The following CLSTN2 variants were observed in gnomAD, a reference collection of about 807,000 sequenced individuals.
The protein encoded by CLSTN2 is calsyntenin 2.
Under a neutral mutation model 101.2 loss-of-function variants are expected in CLSTN2, and 48 were observed. The ratio of observed to expected loss-of-function variants is 0.47; its 90% CI spans 0.38 to 0.60. The LOEUF (loss-of-function observed/expected upper bound fraction) is 0.60. Among genes scored for constraint, CLSTN2 ranks in the 20% least tolerant of loss-of-function variants. The probability of loss-of-function intolerance (pLI) is 0.00; values close to 1 mark genes in which losing one functional copy is unlikely to be tolerated. For synonymous variants in CLSTN2, 481 were observed against 463.6 expected (o/e 1.04, Z -0.48); for missense variants, 1,160 against 1,238.2 (o/e 0.94, Z 0.95).
At chr3:140,340,177 T>C (rs896016586) in intron 2 of CLSTN2, among the ~76,000 whole-genome samples, 1 of 152,274 alleles carries the variant, frequency 6.6e-6, no homozygotes, top group African/African-American at 2.4e-5. Context: ...AGTCCTTTCC[T>C]AGCAGATGTC....
chr3:140,009,736 T>G (rs992506709), intron 1 of CLSTN2, among the ~76,000 whole-genome samples: 1 of 152,258 alleles, frequency 6.6e-6, no homozygotes, highest in African/African-American at 2.4e-5. Flanking sequence ...CTTGTAAATA[T>G]TTCTTTGCAT....
At chr3:140,027,693 C>G (rs2007450141) in intron 1 of CLSTN2, among the ~76,000 whole-genome samples, 1 of 152,138 alleles carries the variant, frequency 6.6e-6, no homozygotes, top group Non-Finnish European at 1.5e-5. Context: ...AGCTTTGTGA[C>G]CATTTAAGCC....
chr3:140,087,588 T>A (rs1445039384), intron 1 of CLSTN2, among the ~76,000 whole-genome samples: 1 of 152,174 alleles, frequency 6.6e-6, no homozygotes, highest in Non-Finnish European at 1.5e-5. Flanking sequence ...GTGCTGTGGA[T>A]AATGGAGTAA....
intron 1 of CLSTN2, among the ~76,000 whole-genome samples, chr3:139,978,420 CTTA>C (rs1360462751): frequency 6.6e-6 from 1 of 152,056 alleles, no homozygotes; most frequent in Admixed American, 6.5e-5. Context: ...TTTGCTTAGT[CTTA>C]TTATTGTTGC....
chr3:140,042,849 G>T (rs547333484), intron 1 of CLSTN2, among the ~76,000 whole-genome samples: 1 of 152,270 alleles, frequency 6.6e-6, no homozygotes, highest in African/African-American at 2.4e-5. Flanking sequence ...TAAAAGACAT[G>T]AACTCATCCT....
At chr3:140,551,233 C>T (rs1387523767) in intron 10 of CLSTN2, among the ~76,000 whole-genome samples, 1 of 151,870 alleles carries the variant, frequency 6.6e-6, no homozygotes, top group African/African-American at 2.4e-5. Flanking sequence ...CAGTTACTGC[C>T]CTCCTCCCAC....
chr3:140,183,662 A>T (rs1445446219), intron 2 of CLSTN2, among the ~76,000 whole-genome samples: 1 of 152,184 alleles, frequency 6.6e-6, no homozygotes, highest in Non-Finnish European at 1.5e-5. Flanking sequence ...GCAAGTAGAG[A>T]AAAAGGTGGA....
chr3:140,562,205 AGGG>A lies in CLSTN2; in HGVS notation c.2111_2113del (p.Gly704del). On this transcript the variant is annotated inframe_deletion, in exon 13 of 17. Coordinates refer to ENST00000458420, the MANE Select transcript of CLSTN2 (RefSeq NM_022131.3). ...ATTTCTGTGACATTTTGGTGATCGG[AGGG>A]GACTTGGACCCAAGGCAGGAGTGCT... is the stretch of plus-strand genomic sequence containing the variant. 6.2e-7 allele frequency: 1 copy of A among 1,614,094 alleles called. No individual in the cohort carries two copies.
intron 8 of CLSTN2, among the ~76,000 whole-genome samples, chr3:140,486,525 T>C (rs539775175): frequency 3.7e-4 from 57 of 152,326 alleles, no homozygotes; most frequent in Non-Finnish European, 3.7e-4. Flanking sequence ...CTAAGAATAC[T>C]GTGATAAGAC....
intron 8 of CLSTN2, among the ~76,000 whole-genome samples, chr3:140,511,309 A>C (rs1934808515): frequency 6.6e-6 from 1 of 152,160 alleles, no homozygotes. Context: ...TGCTATTGTG[A>C]ATAGTGCTAC....
Position 140,313,053 on chromosome 3 carries a change from T to C in CLSTN2, c.233-90576T>C, listed in dbSNP as rs147493196. 2.1e-3 allele frequency among the ~76,000 whole-genome samples: 315 copies of C among 152,332 alleles called. 1 individual carries two copies. Among genetic ancestry groups the C allele is most frequent in the Non-Finnish European group, 3.6e-3 (244 of 68,026 alleles). ...CAAAAGTTTAGGCAATTATATTCAC[T>C]GAATCAAGTAATGTGCCATTCATGG... On this transcript the variant is annotated intron_variant, in intron 2 of 16. Coordinates refer to ENST00000458420, the MANE Select transcript of CLSTN2 (RefSeq NM_022131.3).
rs193077641 is a variant in CLSTN2, at chr3:140,212,933, G to A, written c.232+36860G>A. Among the ~76,000 whole-genome samples the A allele has an allele frequency of 4.1e-3, 630 of 152,282 alleles. 3 individuals carry two copies. Among genetic ancestry groups the A allele is most frequent in the Non-Finnish European group, 6.0e-3 (407 of 68,028 alleles). On this transcript the variant is annotated intron_variant, in intron 2 of 16. Coordinates refer to ENST00000458420, the MANE Select transcript of CLSTN2 (RefSeq NM_022131.3). ...GCTCTCTAGCATAGGCTCCTTGAGG[G>A]AAGGTGCAGTCTGTCTTCCCACCAC...
At chr3:140,525,433 A>G (rs1935116904) in intron 8 of CLSTN2, among the ~76,000 whole-genome samples, 1 of 152,162 alleles carries the variant, frequency 6.6e-6, no homozygotes, top group Non-Finnish European at 1.5e-5. Flanking sequence ...ATGAATTCTG[A>G]GATTTTAAAA....
chr3:140,487,034 G>A (rs1342794490), intron 8 of CLSTN2, among the ~76,000 whole-genome samples: 1 of 152,192 alleles, frequency 6.6e-6, no homozygotes, highest in African/African-American at 2.4e-5. Context: ...GTATGGACCT[G>A]TGCTAAGGCC....
At chr3:140,111,646 G>A (rs1285226627) in intron 1 of CLSTN2, among the ~76,000 whole-genome samples, 1 of 152,138 alleles carries the variant, frequency 6.6e-6, no homozygotes, top group Admixed American at 6.5e-5. Context: ...GTCTATGAGA[G>A]CTTGCTTTAT....
intron 1 of CLSTN2, among the ~76,000 whole-genome samples, chr3:139,937,254 T>C (rs1935039173): frequency 6.6e-6 from 1 of 151,732 alleles, no homozygotes; most frequent in Non-Finnish European, 1.5e-5. Flanking sequence ...CTGGTGTGAG[T>C]AGTAATAATG....
At chr3:140,083,159 C>T (rs182545064) in intron 1 of CLSTN2, among the ~76,000 whole-genome samples, 24 of 152,080 alleles carry the variant, frequency 1.6e-4, no homozygotes, top group Non-Finnish European at 2.6e-4. Context: ...GCATTTATTA[C>T]GTTTTTTGCT....
At chr3:140,551,645 G>A (rs116078860) in intron 10 of CLSTN2, among the ~76,000 whole-genome samples, 2,411 of 152,166 alleles carry the variant, frequency 0.016, 26 homozygotes, top group African/African-American at 0.034. Context: ...ACCATGTTTA[G>A]GTGTTTAAGT....
chr3:140,062,328 T>A (rs2008221019), intron 1 of CLSTN2, among the ~76,000 whole-genome samples: 1 of 152,212 alleles, frequency 6.6e-6, no homozygotes, highest in Admixed American at 6.5e-5. Flanking sequence ...GTCCCTATTC[T>A]ACAGGCAGGC....
Sources: allele counts gnomAD v4.1 joint callset (sites outside exome capture counted in the v4.1 genomes callset), GRCh38; gene constraint gnomAD v4.1.1; transcripts MANE v1.5; gene names NCBI Gene and HGNC (gene_info 2026-07-23, HGNC 2026-07-21).